Variants in FOXP1 observed in about 807,000 individuals in gnomAD.
The protein encoded by FOXP1 is forkhead box protein P1.
A neutral mutation model predicts 98.2 loss-of-function variants in FOXP1; 15 were observed. The observed-to-expected ratio is 0.15, with a 90% CI of 0.10 to 0.24. The LOEUF (loss-of-function observed/expected upper bound fraction) is 0.24. Among genes scored for constraint, FOXP1 ranks in the 10% least tolerant of loss-of-function variants. The pLI, the probability that FOXP1 is intolerant of heterozygous loss-of-function variation, is 1.00. For missense variants in FOXP1, 633 were observed against 848.5 expected, an observed-to-expected ratio of 0.75 and a Z score of 3.15; for synonymous variants, 371 against 314.5, an observed-to-expected ratio of 1.18 and a Z score of -1.90.
chr3:71,109,946 G>C (rs895768673), intron 7 of FOXP1, among the ~76,000 whole-genome samples: 7 of 152,090 alleles, frequency 4.6e-5, no homozygotes, highest in Non-Finnish European at 1.0e-4. Context: ...CTCTACTTGG[G>C]GGGTAGGGGA....
At chr3:71,222,767 A>C (rs2065500025) in intron 5 of FOXP1, among the ~76,000 whole-genome samples, 1 of 151,984 alleles carries the variant, frequency 6.6e-6, no homozygotes, top group Non-Finnish European at 1.5e-5. Context: ...CTCCACATAT[A>C]CTTCACCTTT....
chr3:71,487,361 A>G (rs939368191), intron 3 of FOXP1, among the ~76,000 whole-genome samples: 1 of 152,190 alleles, frequency 6.6e-6, no homozygotes, highest in African/African-American at 2.4e-5. Context: ...CCCAGCCCAG[A>G]TTCTTTCATT....
At chr3:71,104,200 C>G (rs2057235281) in intron 7 of FOXP1, among the ~76,000 whole-genome samples, 1 of 152,128 alleles carries the variant, frequency 6.6e-6, no homozygotes, top group Non-Finnish European at 1.5e-5. Context: ...TCACTCAAGA[C>G]TAAAATCATG....
At chr3:71,196,369 G>C (rs1340688170) in intron 6 of FOXP1, among the ~76,000 whole-genome samples, 1 of 152,098 alleles carries the variant, frequency 6.6e-6, no homozygotes, top group African/African-American at 2.4e-5. Flanking sequence ...TCACTGTTGT[G>C]TGTGTGGGCG....
At chr3:70,971,848 A>G in intron 18 of FOXP1, 1 of 464,010 alleles carries the variant, frequency 2.2e-6, no homozygotes, top group South Asian at 7.4e-5. Context: ...TGGTGTTCCA[A>G]AGAGAAACGA....
chr3:71,162,795 A>G (rs1329583790), intron 6 of FOXP1, among the ~76,000 whole-genome samples: 2 of 152,220 alleles, frequency 1.3e-5, no homozygotes, highest in Admixed American at 1.3e-4. Flanking sequence ...CAGATTAATG[A>G]GGTAGGAGAC....
intron 6 of FOXP1, among the ~76,000 whole-genome samples, chr3:71,131,949 A>T (rs1313875278): frequency 6.6e-6 from 1 of 152,166 alleles, no homozygotes; most frequent in African/African-American, 2.4e-5. Flanking sequence ...CAGTGCTTCC[A>T]CGCCTGCCTT....
At chr3:71,223,750 A>C (rs2065604899) in intron 5 of FOXP1, among the ~76,000 whole-genome samples, 1 of 151,604 alleles carries the variant, frequency 6.6e-6, no homozygotes, top group Admixed American at 6.6e-5. Context: ...GATGCATTTT[A>C]TTTTTATGCT....
intron 14 of FOXP1, among the ~76,000 whole-genome samples, chr3:70,979,188 G>GGGAAGATAGC (rs1174207730): frequency 1.4e-5 from 2 of 147,980 alleles, no homozygotes; most frequent in Admixed American, 1.4e-4. Context: ...AGGCTGAGGT[G>GGGAAGATAGC]GGAAGATAGC....
At chr3:71,289,064 T>G (rs1013096169) in intron 5 of FOXP1, among the ~76,000 whole-genome samples, 1 of 150,038 alleles carries the variant, frequency 6.7e-6, no homozygotes, top group African/African-American at 2.4e-5. Context: ...AGATGGAGTC[T>G]CTCTCTGTAG....
chr3:71,285,041 T>C (rs1250544898), intron 5 of FOXP1, among the ~76,000 whole-genome samples: 2 of 152,190 alleles, frequency 1.3e-5, no homozygotes, highest in African/African-American at 4.8e-5. Flanking sequence ...GAGAACTTAG[T>C]TAATGAAATT....
chr3:70,960,078 A>C (rs147862029), intron 20 of FOXP1, among the ~76,000 whole-genome samples: 25 of 152,292 alleles, frequency 1.6e-4, no homozygotes, highest in African/African-American at 5.3e-4. Flanking sequence ...CCTGTGAAAG[A>C]ACTCTCCAGA....
intron 6 of FOXP1, among the ~76,000 whole-genome samples, chr3:71,153,496 G>GC (rs3832218): frequency 7.0e-6 from 1 of 143,086 alleles, no homozygotes; most frequent in African/African-American, 2.7e-5. Flanking sequence ...TGCCCCCACT[G>GC]CCCCCCGCAA....
At chr3:71,583,380 G>A (rs1578285014) in intron 1 of FOXP1, 191 bp downstream of exon 1, 1 of 847,330 alleles carries the variant, frequency 1.2e-6, no homozygotes, top group Non-Finnish European at 1.4e-6. Flanking sequence ...GAAGAGAGGG[G>A]AGGGCTGGGG....
chr3:71,144,760 A>T (rs1290347177), intron 6 of FOXP1, among the ~76,000 whole-genome samples: 1 of 152,052 alleles, frequency 6.6e-6, no homozygotes, highest in African/African-American at 2.4e-5. Flanking sequence ...ATGGATGTGT[A>T]TAATCACCAG....
rs372094752 is a variant in FOXP1, at chr3:71,506,242, G to A, written c.-297-12687C>T. Among the ~76,000 whole-genome samples the A allele has an allele frequency of 4.3e-4, 66 of 152,248 alleles. No homozygotes were observed. In the East Asian group the frequency reaches 8.1e-3, roughly 19 times the overall value. Reference sequence around the variant, plus strand: ...GGGTCCGATCCTGGCTGTGATACTCGTGGTCCAACCCTATTTAAGTTTTCT... The same window carrying A: ...GGGTCCGATCCTGGCTGTGATACTCATGGTCCAACCCTATTTAAGTTTTCT... On this transcript the variant is annotated intron_variant, in intron 2 of 20. Transcript: ENST00000649528.
At chr3:71,395,509 TCTGAGAAGCCTTAC>T (rs577105568) in intron 3 of FOXP1, among the ~76,000 whole-genome samples, 13 of 151,800 alleles carry the variant, frequency 8.6e-5, no homozygotes, top group Non-Finnish European at 1.9e-4. Context: ...AGTCACCTCC[TCTGAGAAGCCTTAC>T]CTGGGTACCT....
In FOXP1 at chr3:71,138,776, C is replaced by T. The variant is rs561141092; in HGVS notation, c.181-26139G>A. Reference sequence around the variant, plus strand: ...TGTGATAGGAGCACATTCACTGGCACGCGACCTGTGAAAAATCTTAGATCT... The same window carrying T: ...TGTGATAGGAGCACATTCACTGGCATGCGACCTGTGAAAAATCTTAGATCT... On this transcript the variant is annotated intron_variant, in intron 6 of 20. Coordinates refer to ENST00000649528, the MANE Select transcript of FOXP1 (RefSeq NM_001349338.3). Among the ~76,000 whole-genome samples the T allele has an allele frequency of 2.6e-4, 40 of 152,242 alleles. No individual in the cohort carries two copies. The South Asian group carries it at 8.1e-3, about 31-fold the overall frequency.
chr3:71,571,434 T>A (rs1253920312), intron 2 of FOXP1: 1 of 152,224 alleles, frequency 6.6e-6, no homozygotes, highest in Non-Finnish European at 1.5e-5. Flanking sequence ...GGAAACACTA[T>A]CTACCTTTAT....
Sources: allele counts gnomAD v4.1 joint callset (sites outside exome capture counted in the v4.1 genomes callset), GRCh38; gene constraint gnomAD v4.1.1; transcripts MANE v1.5; gene names NCBI Gene and HGNC (gene_info 2026-07-23, HGNC 2026-07-21).